The following FANCD2OS variants were observed in gnomAD, a reference collection of about 807,000 sequenced individuals.
FANCD2OS encodes the protein FANCD2 opposite strand protein.
In FANCD2OS, 11 loss-of-function variants were observed where a neutral mutation model predicts 13.2. The observed-to-expected ratio is 0.83, with a 90% CI of 0.52 to 1.38. The LOEUF is 1.38. FANCD2OS is among the 40% of genes most tolerant of loss of function. FANCD2OS has a pLI of 0.00. For missense variants in FANCD2OS, 217 were observed against 213.9 expected, an observed-to-expected ratio of 1.01 and a Z score of -0.09; for synonymous variants, 69 against 84.5, an observed-to-expected ratio of 0.82 and a Z score of 1.01.
chr3:10,100,773 A>C (rs1045448333), downstream of FANCD2OS, among the ~76,000 whole-genome samples: 10 of 152,132 alleles, frequency 6.6e-5, no homozygotes, highest in African/African-American at 2.4e-4. Flanking sequence ...AGCTTATTTA[A>C]AATTATGCAA....
At chr3:10,100,491 C>G (rs1695237554), downstream of FANCD2OS, among the ~76,000 whole-genome samples, 1 of 152,192 alleles carries the variant, frequency 6.6e-6, no homozygotes, top group Non-Finnish European at 1.5e-5. Flanking sequence ...CCTGCCTCAG[C>G]CTTCCAAGTA....
chr3:10,089,025 G>A (rs1024182947), intron 2 of FANCD2OS: 1 of 1,534,506 alleles, frequency 6.5e-7, no homozygotes. Context: ...GCACACACCT[G>A]TAATCCCAGC....
At chr3:10,096,295 C>T (rs1417838564) in intron 2 of FANCD2OS, 2 of 1,612,198 alleles carry the variant, frequency 1.2e-6, no homozygotes, top group Admixed American at 1.7e-5. Flanking sequence ...GATAAACTCA[C>T]AAAAGATGGA....
Position 10,093,295 on chromosome 3 carries a change from G to C in FANCD2OS, c.*43+10903C>G, listed in dbSNP as rs1206331515. On this transcript the variant is annotated intron_variant, in intron 2 of 2. Transcript: ENST00000524279. ...CTTTCACCTCTCCAGGTATTTGATA[G>C]TCATCCTGTTCTGCATGTATGTTTG... 3.1e-6 allele frequency: 5 copies of C among 1,613,598 alleles called. No individual in the cohort carries two copies. Among genetic ancestry groups the C allele is most frequent in the Middle Eastern group, 1.7e-4 (1 of 6,060 alleles).
In FANCD2OS at chr3:10,107,542, T is replaced by A. The variant is rs1695534269; in HGVS notation, c.-9+473A>T. The stretch of plus-strand genomic sequence containing the variant: ...ACCTCGTGATCCGCCCGTCTCGGCC[T>A]CCCAAAGTGCTGGGATTACAGGCGT... On this transcript the variant is annotated intron_variant, in intron 1 of 1. Coordinates refer to ENST00000450660, the MANE Select transcript of FANCD2OS (RefSeq NM_001164839.2). Among the ~76,000 whole-genome samples the A allele has an allele frequency of 2.0e-5, 3 of 151,734 alleles. No individual in the cohort carries two copies. In the South Asian group the frequency reaches 6.3e-4, roughly 32 times the overall value.
chr3:10,098,453 C>T (rs1389799451), downstream of FANCD2OS, among the ~76,000 whole-genome samples: 1 of 152,130 alleles, frequency 6.6e-6, no homozygotes, highest in African/African-American at 2.4e-5. Context: ...CCAATACAGT[C>T]TAGCCTTTTA....
At chr3:10,088,741 T>C in intron 2 of FANCD2OS, 1 of 1,429,478 alleles carries the variant, frequency 7.0e-7, no homozygotes. Context: ...TGCTTATTGT[T>C]AATTCAGATC....
chr3:10,081,806 A>C (rs991575195), intron 2 of FANCD2OS, among the ~76,000 whole-genome samples: 2 of 152,074 alleles, frequency 1.3e-5, no homozygotes, highest in African/African-American at 4.8e-5. Context: ...CTATTCCATG[A>C]TACCTTCATG....
chr3:10,090,146 C>G, intron 2 of FANCD2OS: 1 of 661,294 alleles, frequency 1.5e-6, no homozygotes, highest in South Asian at 1.6e-5. Context: ...TGAGTCCTTT[C>G]CGCTCCCCCA....
chr3:10,101,130 C>T, downstream of FANCD2OS: 1 of 1,289,114 alleles, frequency 7.8e-7, no homozygotes, highest in South Asian at 1.2e-5. Flanking sequence ...AGCTGTATTC[C>T]AGAGGTCACC....
In FANCD2OS at chr3:10,104,373, G is replaced by C; in HGVS notation, c.402C>G (p.His134Gln). The C allele has an allele frequency of 6.2e-7, 1 of 1,614,182 alleles. No individual in the cohort carries two copies. Residue 134 changes from histidine (H) to glutamine (Q), a missense_variant, in exon 2 of 2, where the codon CAC becomes CAG. Transcript: ENST00000450660. ...SAFCKIISRE[H>Q]QWPIGLKEPQ... ...GCTCCTTCAGTCCAATGGGCCACTG[G>C]TGCTCCCTGCTAATGATTTTGCAAA...
At chr3:10,091,342 A>G (rs537256927) in intron 2 of FANCD2OS, among the ~76,000 whole-genome samples, 8 of 150,634 alleles carry the variant, frequency 5.3e-5, no homozygotes, top group African/African-American at 2.0e-4. Flanking sequence ...CAGCCTCCCA[A>G]AGTGCTGGGA....
At chr3:10,096,867 A>G (rs774398860) in intron 2 of FANCD2OS, among the ~76,000 whole-genome samples, 4 of 152,190 alleles carry the variant, frequency 2.6e-5, no homozygotes, top group Non-Finnish European at 5.9e-5. Context: ...CTTATTCCAG[A>G]AATTACAAAT....
chr3:10,098,518 G>T (rs1266612295), downstream of FANCD2OS, among the ~76,000 whole-genome samples: 1 of 152,092 alleles, frequency 6.6e-6, no homozygotes, highest in Admixed American at 6.6e-5. Flanking sequence ...ATTACTTATT[G>T]TATCAGGGCC....
chr3:10,091,942 C>G (rs1261815611), intron 2 of FANCD2OS, among the ~76,000 whole-genome samples: 1 of 152,166 alleles, frequency 6.6e-6, no homozygotes, highest in African/African-American at 2.4e-5. Context: ...CTTTTACTTA[C>G]TTGGGAATTG....
chr3:10,088,471 C>G (rs774328826), intron 2 of FANCD2OS: 1 of 1,610,626 alleles, frequency 6.2e-7, no homozygotes, highest in South Asian at 1.1e-5. Flanking sequence ...GACAATTCCT[C>G]TGTCGGGTGT....
intron 2 of FANCD2OS, among the ~76,000 whole-genome samples, chr3:10,082,949 T>C (rs1196155468): frequency 6.6e-6 from 1 of 152,144 alleles, no homozygotes; most frequent in African/African-American, 2.4e-5. Context: ...GAAAGGGGCC[T>C]GACATCGTGG....
At chr3:10,093,992 C>T (rs1439657218) in intron 2 of FANCD2OS, among the ~76,000 whole-genome samples, 2 of 152,156 alleles carry the variant, frequency 1.3e-5, no homozygotes, top group Non-Finnish European at 2.9e-5. Flanking sequence ...AGTAAGTTAT[C>T]CTCAGATAGA....
chr3:10,095,752 C>G (rs1402915227), intron 2 of FANCD2OS, among the ~76,000 whole-genome samples: 1 of 152,212 alleles, frequency 6.6e-6, no homozygotes, highest in African/African-American at 2.4e-5. Flanking sequence ...GGTATTGTCA[C>G]GTTTTGTCTG....
Sources: allele counts gnomAD v4.1 joint callset (sites outside exome capture counted in the v4.1 genomes callset), GRCh38; gene constraint gnomAD v4.1.1; transcripts MANE v1.5; gene names NCBI Gene and HGNC (gene_info 2026-07-23, HGNC 2026-07-21).